PRKG1: variants seen among roughly 807,000 people sequenced by gnomAD.
The protein encoded by PRKG1 is cGMP-dependent protein kinase 1.
In PRKG1, 35 loss-of-function variants were observed where a neutral mutation model predicts 88.1. The observed-to-expected ratio is 0.40, with a 90% confidence interval of 0.30 to 0.53. PRKG1 has a LOEUF of 0.53. Ranked by LOEUF, PRKG1 falls within the 20% of genes least tolerant of loss-of-function variation. The pLI is 0.59. For synonymous variants in PRKG1, 303 were observed against 292.5 expected (o/e 1.04, Z -0.37); for missense variants, 540 against 839.8 (o/e 0.64, Z 4.41).
chr10:51,927,044 G>T (rs1842594437), intron 5 of PRKG1, among the ~76,000 whole-genome samples: 1 of 151,914 alleles, frequency 6.6e-6, no homozygotes, highest in African/African-American at 2.4e-5. Context: ...TGAGTCACCT[G>T]GGGAAGTTGC....
At chr10:51,652,715 A>G (rs1016917671) in intron 3 of PRKG1, among the ~76,000 whole-genome samples, 16 of 152,222 alleles carry the variant, frequency 1.1e-4, no homozygotes, top group East Asian at 7.7e-4. Flanking sequence ...TAACATATCT[A>G]TCATATCTTT....
intron 17 of PRKG1, among the ~76,000 whole-genome samples, chr10:52,291,123 A>G (rs7075923): frequency 0.13 from 20,357 of 151,636 alleles, 2,471 homozygotes; most frequent in African/African-American, 0.33. Context: ...CAGTTTCACC[A>G]TGTTGGCCAG....
chr10:51,567,655 C>T (rs114634166), intron 3 of PRKG1, among the ~76,000 whole-genome samples: 10,515 of 152,112 alleles, frequency 0.069, 1,185 homozygotes, highest in African/African-American at 0.24. Context: ...GAGTTGATCT[C>T]GGCTCACTGG....
At position 52,297,393 on chromosome 10, in the gene PRKG1, T is replaced by A. The variant is rs920271362; in HGVS notation, c.*3493T>A. 1 of 152,116 alleles carries A rather than the reference T, an allele frequency of 6.6e-6. No homozygotes were observed. The highest frequency in any genetic ancestry group is 2.4e-5 in the African/African-American group (1 of 41,440). 9.4% of individuals were successfully genotyped at this position (152,116 alleles called of 1,614,324 possible). A position where few individuals can be genotyped will look rare whatever the true frequency, so the allele number is the denominator to read the frequency against. ...ATGGCATCCTATTAAAAAAACAAAT[T>A]TGGTGTTATGCTGCATGACAAAGAC... On this transcript the variant is annotated 3_prime_UTR_variant, in exon 18 of 18. Transcript: ENST00000373980.
At chr10:51,191,707 T>G (rs1013254177) in intron 2 of PRKG1, among the ~76,000 whole-genome samples, 1 of 151,726 alleles carries the variant, frequency 6.6e-6, no homozygotes, top group East Asian at 1.9e-4. Flanking sequence ...AACTGAGGCT[T>G]AGAGGTATTC....
chr10:51,974,703 A>T (rs1307230856), intron 5 of PRKG1, among the ~76,000 whole-genome samples: 1 of 152,090 alleles, frequency 6.6e-6, no homozygotes, highest in Non-Finnish European at 1.5e-5. Context: ...CTTCTCCAGA[A>T]ATTTTTCTGA....
intron 2 of PRKG1, among the ~76,000 whole-genome samples, chr10:51,232,886 G>T (rs368781427): frequency 6.6e-6 from 1 of 152,122 alleles, no homozygotes; most frequent in Non-Finnish European, 1.5e-5. Context: ...GCTATGATTA[G>T]TTAGTCAGGG....
rs563952210 is a variant in PRKG1 at position 51,159,459 on chromosome 10, A to G, written c.478+6129A>G. Among the ~76,000 whole-genome samples the G allele has an allele frequency of 2.5e-4, 38 of 152,284 alleles. No homozygotes were observed. In the South Asian group the frequency reaches 7.5e-3, roughly 30 times the overall value. On this transcript the variant is annotated intron_variant, in intron 2 of 17. Coordinates refer to ENST00000373980, the MANE Select transcript of PRKG1 (RefSeq NM_006258.4). ...TTAAAGTTATACTTGCAATTCCTTTATGGGACCAAGCTTATAATGTTAATG... is the reference window on the plus strand; with the variant it reads ...TTAAAGTTATACTTGCAATTCCTTTGTGGGACCAAGCTTATAATGTTAATG...
At chr10:52,224,838 T>TATATATATATATATATATATAC (rs1172536011) in intron 9 of PRKG1, among the ~76,000 whole-genome samples, 27 of 135,836 alleles carry the variant, frequency 2.0e-4, no homozygotes, top group African/African-American at 6.9e-4. Flanking sequence ...TATATATATA[T>TATATATATATATATATATATAC]ACATACATAC....
At chr10:52,140,780 A>G (rs180752889) in intron 8 of PRKG1, among the ~76,000 whole-genome samples, 25 of 150,732 alleles carry the variant, frequency 1.7e-4, no homozygotes, top group Non-Finnish European at 2.2e-4. Context: ...AAGATCACCA[A>G]CTAGGTCAGT....
chr10:51,820,351 A>G (rs1187422835), intron 4 of PRKG1, among the ~76,000 whole-genome samples: 1 of 152,056 alleles, frequency 6.6e-6, no homozygotes, highest in African/African-American at 2.4e-5. Context: ...CTCAGTTTTA[A>G]GGATTCTTAG....
At chr10:51,486,343 G>A (rs192854433) in intron 3 of PRKG1, among the ~76,000 whole-genome samples, 1 of 152,024 alleles carries the variant, frequency 6.6e-6, no homozygotes, top group Non-Finnish European at 1.5e-5. Context: ...GTAAATAAGA[G>A]AGCAGGATGA....
chr10:51,875,326 T>C (rs1841268233), intron 4 of PRKG1, among the ~76,000 whole-genome samples: 1 of 151,664 alleles, frequency 6.6e-6, no homozygotes, highest in Admixed American at 6.6e-5. Flanking sequence ...AAAAAAATAC[T>C]GCACATGAGA....
chr10:50,998,669 A>G (rs1842858459), intron 1 of PRKG1, among the ~76,000 whole-genome samples: 2 of 152,208 alleles, frequency 1.3e-5, no homozygotes, highest in South Asian at 4.2e-4. Flanking sequence ...AATCGCTTGA[A>G]CCTGGGAGGC....
At chr10:52,218,322 TGCTCTTTTGCCTGGCATTGAGGTA>T (rs1840164176) in intron 9 of PRKG1, among the ~76,000 whole-genome samples, 1 of 151,854 alleles carries the variant, frequency 6.6e-6, no homozygotes, top group Non-Finnish European at 1.5e-5. Context: ...TCAAAGGGGC[TGCTCTTTTGCCTGGCATTGAGGTA>T]GCAAGCACAA....
chr10:52,145,612 T>A (rs1407340173), intron 8 of PRKG1, among the ~76,000 whole-genome samples: 1 of 152,192 alleles, frequency 6.6e-6, no homozygotes, highest in Non-Finnish European at 1.5e-5. Context: ...GCAATCAGTT[T>A]AAAAATTCAC....
chr10:51,618,992 G>T lies in PRKG1; in HGVS notation c.592+151156G>T, dbSNP rs1026161804. ...GGGTTTCATCATGTTGGCCAGGCTG[G>T]TCTCCATCCCCTGACCTCAAGCAAT... On this transcript the variant is annotated intron_variant, in intron 3 of 17. Transcript: ENST00000373980. Among the ~76,000 whole-genome samples the T allele has an allele frequency of 9.4e-5, 14 of 148,518 alleles. 1 individual carries two copies. The highest frequency in any genetic ancestry group is 3.5e-4 in the African/African-American group (14 of 40,102).
intron 2 of PRKG1, among the ~76,000 whole-genome samples, chr10:51,187,364 C>A (rs1240265748): frequency 6.6e-6 from 1 of 151,898 alleles, no homozygotes; most frequent in East Asian, 1.9e-4. Context: ...TTGGCTATTT[C>A]TTGAGAACAG....
At chr10:52,043,226 C>A (rs1845789421) in intron 5 of PRKG1, among the ~76,000 whole-genome samples, 1 of 151,930 alleles carries the variant, frequency 6.6e-6, no homozygotes, top group South Asian at 2.1e-4. Context: ...GGGTATAAAT[C>A]CAAAGGAAAT....
Sources: gnomAD v4.1 joint callset for allele counts (sites outside exome capture counted in the v4.1 genomes callset) on GRCh38, gnomAD v4.1.1 for gene constraint, MANE v1.5 for transcripts, NCBI Gene and HGNC (gene_info 2026-07-23, HGNC 2026-07-21) for gene names.